Variants in FBXO31 observed in about 807,000 individuals in gnomAD.
FBXO31 encodes the protein F-box protein 31.
FBXO31 carries 24 observed loss-of-function variants against 54.4 expected under a neutral mutation model. The observed-to-expected ratio is 0.44, with a 90% confidence interval of 0.32 to 0.62. FBXO31 has a LOEUF of 0.62. Among genes scored for constraint, FBXO31 ranks in the 20% least tolerant of loss-of-function variants. The pLI, the probability that FBXO31 is intolerant of heterozygous loss-of-function variation, is 0.05. For synonymous variants in FBXO31, 388 were observed against 335.6 expected (o/e 1.16, Z -1.71); for missense variants, 665 against 787.1 (o/e 0.84, Z 1.86).
Position 87,358,742 on chromosome 16 carries a change from T to G in FBXO31, c.412+1553A>C, listed in dbSNP as rs562016851. ...CGGTGGCAGCAAGCTTGGAAATCCT[T>G]TCCATATTTGATCACACTCCTCCCG... On this transcript the variant is annotated intron_variant, in intron 2 of 8. Coordinates refer to ENST00000311635, the MANE Select transcript of FBXO31 (RefSeq NM_024735.5). The surrounding 1 kb of genome is among the most constrained non-coding windows in gnomAD (Gnocchi z 4.0). 2.8e-4 allele frequency among the ~76,000 whole-genome samples: 43 copies of G among 152,232 alleles called. No individual in the cohort carries two copies. The highest frequency in any genetic ancestry group is 8.7e-4 in the African/African-American group (36 of 41,544).
In FBXO31 at chr16:87,345,898, C is replaced by T. The variant is rs71390888; in HGVS notation, c.489+1276G>A. On this transcript the variant is annotated intron_variant, in intron 3 of 8. Coordinates refer to ENST00000311635, the MANE Select transcript of FBXO31 (RefSeq NM_024735.5). This position sits in a 1 kb window ranked among gnomAD's most constrained non-coding sequence, Gnocchi z 4.9. ...AGGTCTACACAGGAGCCAGGACTACCGCCGCCAAACGCCAAAGATGGCAAC... is the reference window on the plus strand; with the variant it reads ...AGGTCTACACAGGAGCCAGGACTACTGCCGCCAAACGCCAAAGATGGCAAC... Among the ~76,000 whole-genome samples, 1 of 152,186 alleles carries T rather than the reference C, an allele frequency of 6.6e-6. No homozygotes were observed. The highest frequency in any genetic ancestry group is 1.5e-5 in the Non-Finnish European group (1 of 68,038).
intron 1 of FBXO31, among the ~76,000 whole-genome samples, chr16:87,361,316 C>G (rs1906121394): frequency 6.6e-6 from 1 of 152,228 alleles, no homozygotes. Flanking sequence ...GGACCTGGAG[C>G]TTATGGTCAG....
Position 87,345,317 on chromosome 16 carries a change from G to C in FBXO31, c.490-1552C>G, listed in dbSNP as rs148669031. On this transcript the variant is annotated intron_variant, in intron 3 of 8. Transcript: ENST00000311635. This position sits in a 1 kb window ranked among gnomAD's most constrained non-coding sequence, Gnocchi z 4.9. ...AAGTTCAAGAGGCTCCAGCAGGAGGGTGCGGGGAGGGCGGGAGGCAGGGTG... is the reference window on the plus strand; with the variant it reads ...AAGTTCAAGAGGCTCCAGCAGGAGGCTGCGGGGAGGGCGGGAGGCAGGGTG... Among the ~76,000 whole-genome samples, 2,589 of 151,006 alleles carry C rather than the reference G, an allele frequency of 0.017. 36 individuals are homozygous for C. The highest frequency in any genetic ancestry group is 0.028 in the Non-Finnish European group (1,922 of 67,674).
At position 87,383,058 on chromosome 16, in the gene FBXO31, G is replaced by C. The variant is rs1047653954; in HGVS notation, c.340+347C>G. Reference sequence around the variant, plus strand: ...TCAGCTTAGGCCCCGCGCAGACCTCGAGGGATCCCAGCCCCAGCTCCCGGC... The same window carrying C: ...TCAGCTTAGGCCCCGCGCAGACCTCCAGGGATCCCAGCCCCAGCTCCCGGC... On this transcript the variant is annotated intron_variant, in intron 1 of 8. Transcript: ENST00000311635. The surrounding 1 kb of genome is among the most constrained non-coding windows in gnomAD (Gnocchi z 4.9). Among the ~76,000 whole-genome samples, 2 of 152,108 alleles carry C rather than the reference G, an allele frequency of 1.3e-5. No individual in the cohort carries two copies. Among genetic ancestry groups the C allele is most frequent in the Non-Finnish European group, 2.9e-5 (2 of 68,004 alleles).
In FBXO31 at chr16:87,343,582, C is replaced by T; in HGVS notation, c.657+16G>A. The stretch of plus-strand genomic sequence containing the variant: ...GCCCTGGGACAGTGAGGACCCAGCC[C>T]CGCCGCTGCACACACCTGGATGTGG... On this transcript the variant is annotated intron_variant, in intron 4 of 8. Transcript: ENST00000311635. 3 of 1,585,742 alleles carry T rather than the reference C, an allele frequency of 1.9e-6. No homozygotes were observed. The highest frequency in any genetic ancestry group is 2.6e-6 in the Non-Finnish European group (3 of 1,166,512).
intron 1 of FBXO31, among the ~76,000 whole-genome samples, chr16:87,374,763 C>A (rs928318933): frequency 6.6e-6 from 1 of 152,174 alleles, no homozygotes; most frequent in Non-Finnish European, 1.5e-5. Flanking sequence ...GGGAGGAGTA[C>A]GCGCCTGAGT....
Position 87,346,685 on chromosome 16 carries a change from C to T in FBXO31, c.489+489G>A, listed in dbSNP as rs1028857138. Among the ~76,000 whole-genome samples the T allele has an allele frequency of 1.3e-5, 2 of 152,208 alleles. No homozygotes were observed. The highest frequency in any genetic ancestry group is 2.9e-5 in the Non-Finnish European group (2 of 68,040). The stretch of plus-strand genomic sequence containing the variant: ...AGGGGCCAGCCACCTGCCCAGAGCT[C>T]AACAAAGTCAGAGCAGGGCTTTCCG... On this transcript the variant is annotated intron_variant, in intron 3 of 8. Transcript: ENST00000311635. The surrounding 1 kb of genome is among the most constrained non-coding windows in gnomAD (Gnocchi z 4.2).
At chr16:87,383,906 C>T (rs992325887), upstream of FBXO31, 5 of 435,558 alleles carry the variant, frequency 1.1e-5, no homozygotes, top group South Asian at 1.1e-4. This position sits in a 1 kb window ranked among gnomAD's most constrained non-coding sequence, Gnocchi z 4.9. Flanking sequence ...CACCCCCTCC[C>T]CGCGGGGCGG....
At chr16:87,387,912 T>C (rs548297922), upstream of FBXO31, among the ~76,000 whole-genome samples, 1 of 152,232 alleles carries the variant, frequency 6.6e-6, no homozygotes, top group South Asian at 2.1e-4. Context: ...AAAGAACTAG[T>C]CACACTAACT....
chr16:87,361,283 G>A (rs1232896041), intron 1 of FBXO31, among the ~76,000 whole-genome samples: 1 of 152,266 alleles, frequency 6.6e-6, no homozygotes, highest in East Asian at 1.9e-4. Flanking sequence ...AACAAGTGCA[G>A]AGAGGTGACA....
chr16:87,359,294 C>T (rs1033727273), intron 2 of FBXO31, among the ~76,000 whole-genome samples: 2 of 152,202 alleles, frequency 1.3e-5, no homozygotes, highest in Admixed American at 6.5e-5. Context: ...CTACCCTCGG[C>T]CACACTGCCT....
At chr16:87,364,605 G>C (rs1287004131) in intron 1 of FBXO31, among the ~76,000 whole-genome samples, 1 of 152,202 alleles carries the variant, frequency 6.6e-6, no homozygotes, top group African/African-American at 2.4e-5. Context: ...GTCAGACTGA[G>C]GGACGCGTCA....
rs1184565052 is a variant in FBXO31, at chr16:87,329,081, G to C, written c.*2207C>G. 6.6e-6 allele frequency: 1 copy of C among 152,288 alleles called. No individual in the cohort carries two copies. The highest frequency in any genetic ancestry group is 2.4e-5 in the African/African-American group (1 of 41,468). 9.4% of individuals were successfully genotyped at this position (152,288 alleles called of 1,614,324 possible). ...CCTACAGAACCGGAGCCAAGAACTGGCTAAGGACACATCGGAGCGGAAAAA... is the reference window on the plus strand; with the variant it reads ...CCTACAGAACCGGAGCCAAGAACTGCCTAAGGACACATCGGAGCGGAAAAA... On this transcript the variant is annotated 3_prime_UTR_variant, in exon 9 of 9. Transcript: ENST00000311635.
At chr16:87,356,404 GT>G (rs1198850453) in intron 2 of FBXO31, among the ~76,000 whole-genome samples, 2 of 152,062 alleles carry the variant, frequency 1.3e-5, no homozygotes, top group Non-Finnish European at 2.9e-5. Flanking sequence ...GTCTTCAAAC[GT>G]TGCCCACCCC....
intron 4 of FBXO31, among the ~76,000 whole-genome samples, chr16:87,343,312 C>T (rs1404223657): frequency 6.6e-6 from 1 of 152,250 alleles, no homozygotes; most frequent in Non-Finnish European, 1.5e-5. Context: ...TGATTCCACA[C>T]TGATATTCTT....
upstream of FBXO31, chr16:87,384,106 C>A (rs962273564): frequency 6.2e-4 from 97 of 157,274 alleles, no homozygotes; most frequent in African/African-American, 2.2e-3. Flanking sequence ...GCTCGGCGAC[C>A]ACTTCGCGCC....
chr16:87,361,842 C>T (rs1441418085), intron 1 of FBXO31, among the ~76,000 whole-genome samples: 1 of 152,240 alleles, frequency 6.6e-6, no homozygotes, highest in Non-Finnish European at 1.5e-5. Context: ...CGGGACCGTT[C>T]CAGGCTTGTG....
chr16:87,361,252 C>T lies in FBXO31; in HGVS notation c.341-886G>A, dbSNP rs778142420. On this transcript the variant is annotated intron_variant, in intron 1 of 8. Coordinates refer to ENST00000311635, the MANE Select transcript of FBXO31 (RefSeq NM_024735.5). ...AGTCCCATAAGAGAGTCACCACTGT[C>T]ATCTCCATTTTAACAGAGAAAACAA... Among the ~76,000 whole-genome samples the T allele has an allele frequency of 1.3e-4, 20 of 152,364 alleles. No individual in the cohort carries two copies. In the East Asian group the frequency reaches 2.3e-3, roughly 18 times the overall value.
At chr16:87,384,960 A>G (rs1597383503), upstream of FBXO31, among the ~76,000 whole-genome samples, 1 of 148,568 alleles carries the variant, frequency 6.7e-6, no homozygotes, top group South Asian at 2.2e-4. Flanking sequence ...GCATCACCTG[A>G]GGTCAGGAGT....
Sources: gnomAD v4.1 joint callset for allele counts (sites outside exome capture counted in the v4.1 genomes callset) on GRCh38, gnomAD v4.1.1 for gene constraint, Gnocchi (gnomAD v3.1) non-coding constraint, MANE v1.5 for transcripts, NCBI Gene and HGNC (gene_info 2026-07-23, HGNC 2026-07-21) for gene names.